Variants in MACROD2 observed in about 807,000 individuals in gnomAD.
MACROD2 encodes ADP-ribose glycohydrolase MACROD2.
Under a neutral mutation model 70.4 loss-of-function variants are expected in MACROD2, and 36 were observed. That is an observed-to-expected ratio of 0.51 (90% confidence interval 0.39 to 0.68). The LOEUF (loss-of-function observed/expected upper bound fraction) is 0.68, where lower values mean the gene tolerates loss of function less well. Ranked by LOEUF, MACROD2 falls within the 30% of genes least tolerant of loss-of-function variation. The pLI is 0.00. For synonymous variants in MACROD2, 172 were observed against 178.8 expected (o/e 0.96, Z 0.30); for missense variants, 496 against 538.4 (o/e 0.92, Z 0.78).
At chr20:15,018,085 T>G (rs1205515530) in intron 5 of MACROD2, among the ~76,000 whole-genome samples, 1 of 152,220 alleles carries the variant, frequency 6.6e-6, no homozygotes, top group African/African-American at 2.4e-5. Context: ...TCCTTTTCTA[T>G]CGAATAGTCA....
intron 12 of MACROD2, among the ~76,000 whole-genome samples, chr20:15,957,262 A>C (rs6080052): frequency 0.1 from 15,276 of 152,220 alleles, 913 homozygotes; most frequent in East Asian, 0.25. Flanking sequence ...TGCACACTTA[A>C]GAATTTTGTA....
chr20:14,359,798 G>T (rs930854674), intron 3 of MACROD2, among the ~76,000 whole-genome samples: 1 of 152,096 alleles, frequency 6.6e-6, no homozygotes. Flanking sequence ...GGAGGTTGAC[G>T]CTGCAGTGAA....
chr20:15,603,317 G>A (rs1453966833), intron 8 of MACROD2, among the ~76,000 whole-genome samples: 1 of 151,446 alleles, frequency 6.6e-6, no homozygotes, highest in African/African-American at 2.4e-5. Context: ...TGGCCAACTG[G>A]TGAAACCCCA....
chr20:14,591,452 T>C (rs1030130426), intron 4 of MACROD2, among the ~76,000 whole-genome samples: 1 of 152,186 alleles, frequency 6.6e-6, no homozygotes, highest in Admixed American at 6.5e-5. Context: ...ATATATCTCA[T>C]AGCACAAGAA....
chr20:14,134,816 A>AAAC (rs2054772795), intron 3 of MACROD2, among the ~76,000 whole-genome samples: 1 of 151,552 alleles, frequency 6.6e-6, no homozygotes, highest in African/African-American at 2.4e-5. Flanking sequence ...AAAAAAAAAA[A>AAAC]AAAAAACAGC....
intron 4 of MACROD2, among the ~76,000 whole-genome samples, chr20:14,679,451 T>C (rs767505832): frequency 2.6e-5 from 4 of 152,108 alleles, no homozygotes; most frequent in Non-Finnish European, 4.4e-5. Flanking sequence ...GTTGGGAGGA[T>C]AAGTTGGAAC....
chr20:15,443,149 AT>A (rs966028566), intron 7 of MACROD2, among the ~76,000 whole-genome samples: 71 of 152,092 alleles, frequency 4.7e-4, no homozygotes, highest in African/African-American at 1.6e-3. Context: ...ATCAATCGCA[AT>A]TTGTTTCTGC....
chr20:15,632,626 G>A (rs927167972), intron 8 of MACROD2, among the ~76,000 whole-genome samples: 3 of 152,110 alleles, frequency 2.0e-5, no homozygotes, highest in Non-Finnish European at 4.4e-5. Context: ...AGGAAGAATG[G>A]GTTGTAGCAA....
intron 3 of MACROD2, among the ~76,000 whole-genome samples, chr20:14,177,301 C>CTTTTT (rs71190114): frequency 1.6e-5 from 2 of 125,438 alleles, no homozygotes; most frequent in Non-Finnish European, 3.2e-5. Context: ...GAGATATCTT[C>CTTTTT]TTTTTTTTTT....
chr20:14,726,976 A>G (rs2123695392), intron 5 of MACROD2, among the ~76,000 whole-genome samples: 1 of 152,348 alleles, frequency 6.6e-6, no homozygotes, highest in South Asian at 2.1e-4. Flanking sequence ...TATAATTGAA[A>G]AAATTTAGGT....
At chr20:14,163,546 A>G (rs1487961220) in intron 3 of MACROD2, among the ~76,000 whole-genome samples, 4 of 151,328 alleles carry the variant, frequency 2.6e-5, no homozygotes, top group Non-Finnish European at 5.9e-5. Flanking sequence ...AGGTTTTCTG[A>G]CTCTCTCATT....
At chr20:14,524,909 G>T (rs759429244) in intron 4 of MACROD2, among the ~76,000 whole-genome samples, 1 of 151,986 alleles carries the variant, frequency 6.6e-6, no homozygotes, top group Non-Finnish European at 1.5e-5. Context: ...GCAAGAACTC[G>T]TTCACCACAC....
At chr20:14,277,120 G>A (rs1166452965) in intron 3 of MACROD2, among the ~76,000 whole-genome samples, 4 of 151,986 alleles carry the variant, frequency 2.6e-5, no homozygotes, top group Non-Finnish European at 5.9e-5. Context: ...TGACTGACAT[G>A]GTGAAACTGT....
At chr20:14,710,622 A>T (rs2071327275) in intron 5 of MACROD2, among the ~76,000 whole-genome samples, 1 of 152,124 alleles carries the variant, frequency 6.6e-6, no homozygotes, top group Non-Finnish European at 1.5e-5. Context: ...AAGTTAAAAG[A>T]TCTCTTTTAA....
chr20:14,617,985 T>A, intron 4 of MACROD2, among the ~76,000 whole-genome samples: 1 of 152,128 alleles, frequency 6.6e-6, no homozygotes, highest in East Asian at 1.9e-4. Flanking sequence ...ATCTCTCTTC[T>A]TTTGCGGAAA....
intron 4 of MACROD2, among the ~76,000 whole-genome samples, chr20:14,498,895 C>A (rs1033136256): frequency 1.3e-5 from 2 of 152,328 alleles, no homozygotes; most frequent in East Asian, 3.9e-4. Context: ...GATTCTGTTT[C>A]GCTCTTGTTA....
At chr20:14,985,328 T>G (rs554833358) in intron 5 of MACROD2, among the ~76,000 whole-genome samples, 2 of 152,300 alleles carry the variant, frequency 1.3e-5, no homozygotes, top group Non-Finnish European at 2.9e-5. Context: ...ATGATGCCCT[T>G]CCAAATTCCC....
At chr20:15,012,353 C>T (rs780413483) in intron 5 of MACROD2, among the ~76,000 whole-genome samples, 1 of 152,088 alleles carries the variant, frequency 6.6e-6, no homozygotes, top group Admixed American at 6.5e-5. Flanking sequence ...TTTGTTTTAA[C>T]TTAAAAAGTG....
chr20:15,931,485 A>C (rs985297113), intron 10 of MACROD2, among the ~76,000 whole-genome samples: 7 of 152,002 alleles, frequency 4.6e-5, no homozygotes, highest in African/African-American at 1.7e-4. Context: ...CTCCAAAAAA[A>C]TAAAAAATCA....
Sources: gnomAD v4.1 joint callset for allele counts (sites outside exome capture counted in the v4.1 genomes callset) on GRCh38, gnomAD v4.1.1 for gene constraint, MANE v1.5 for transcripts, NCBI Gene and HGNC (gene_info 2026-07-23, HGNC 2026-07-21) for gene names.